Variants in HSPG2 observed in about 807,000 individuals in gnomAD.
The protein encoded by HSPG2 is basement membrane-specific heparan sulfate proteoglycan core protein.
In HSPG2, 278 loss-of-function variants were observed where a neutral mutation model predicts 526.6. That is an observed-to-expected ratio of 0.53 (90% CI 0.48 to 0.58). The LOEUF is 0.58. Ranked by LOEUF, HSPG2 falls within the 20% of genes least tolerant of loss-of-function variation. The probability of loss-of-function intolerance (pLI) is 0.00; values close to 1 mark genes in which losing one functional copy is unlikely to be tolerated. For synonymous variants in HSPG2, 2,465 were observed against 2,555.4 expected (o/e 0.96, Z 1.07); for missense variants, 5,354 against 6,099.5 (o/e 0.88, Z 4.07).
chr1:21,844,669 T>C (rs1638282288), intron 64 of HSPG2, among the ~76,000 whole-genome samples: 1 of 152,272 alleles, frequency 6.6e-6, no homozygotes, highest in African/African-American at 2.4e-5. Flanking sequence ...ATCCCAGCTC[T>C]GCCATTGATT....
chr1:21,907,256 G>C (rs192390652), intron 1 of HSPG2, among the ~76,000 whole-genome samples: 176 of 152,316 alleles, frequency 1.2e-3, no homozygotes, highest in African/African-American at 3.9e-3. Context: ...GCAGAGACCG[G>C]GGCAGGGGCT....
chr1:21,884,471 GGGTACAGA>G, intron 13 of HSPG2, 49 bp downstream of exon 13: 3 of 1,606,800 alleles, frequency 1.9e-6, no homozygotes, highest in Non-Finnish European at 2.5e-6. Context: ...TGTGCCCCCT[GGGTACAGA>G]GGTACCCACC....
Position 21,823,253 on chromosome 1 carries a change from T to C in HSPG2, c.*63A>G. On this transcript the variant is annotated 3_prime_UTR_variant, in exon 97 of 97. Transcript: ENST00000374695. ...CAAAAATTCATAATAATATTAATAATAATATACTCGACATTGTCGGGCTGG... is the reference window on the plus strand; with the variant it reads ...CAAAAATTCATAATAATATTAATAACAATATACTCGACATTGTCGGGCTGG... 2.2e-6 allele frequency: 3 copies of C among 1,335,356 alleles called. No individual in the cohort carries two copies. Among genetic ancestry groups the C allele is most frequent in the Non-Finnish European group, 3.0e-6 (3 of 1,005,332 alleles). The allele number at this position is 1,335,356 out of a possible 1,614,324, so 82.7% of individuals were successfully genotyped here.
intron 25 of HSPG2, 194 bp from the exon 26 acceptor site, chr1:21,875,196 C>T (rs1640954566): frequency 3.1e-6 from 2 of 640,796 alleles, no homozygotes; most frequent in African/African-American, 3.6e-5. Context: ...CAAACCATCA[C>T]CCTTCCTCAC....
At chr1:21,930,783 A>T (rs1253028710) in intron 1 of HSPG2, among the ~76,000 whole-genome samples, 4 of 152,332 alleles carry the variant, frequency 2.6e-5, no homozygotes, top group Middle Eastern at 6.8e-3. Context: ...CAAAAAAAAA[A>T]AAAAGATCTA....
intron 1 of HSPG2, among the ~76,000 whole-genome samples, chr1:21,921,395 G>A (rs1644034445): frequency 6.6e-6 from 1 of 152,060 alleles, no homozygotes; most frequent in Admixed American, 6.6e-5. Context: ...CAAACCACAG[G>A]GCCTGTTACT....
chr1:21,865,176 G>A lies in HSPG2; in HGVS notation c.4396-103C>T. 3 of 1,513,370 alleles carry A rather than the reference G, an allele frequency of 2.0e-6. No individual in the cohort carries two copies. The highest frequency in any genetic ancestry group is 1.8e-6 in the Non-Finnish European group (2 of 1,089,002). 93.7% of individuals were successfully genotyped at this position (1,513,370 alleles called of 1,614,324 possible). Reference sequence around the variant, plus strand: ...GCCTTACAGGCACTGACTGAGGGCTGCCAGGTGAAGGTTGGGGAGCGAGAG... The same window carrying A: ...GCCTTACAGGCACTGACTGAGGGCTACCAGGTGAAGGTTGGGGAGCGAGAG... On this transcript the variant is annotated intron_variant, in intron 35 of 96. Coordinates refer to ENST00000374695, the MANE Select transcript of HSPG2 (RefSeq NM_005529.7). This position sits in a 1 kb window ranked among gnomAD's most constrained non-coding sequence, Gnocchi z 5.4.
intron 70 of HSPG2, 59 bp downstream of exon 70, chr1:21,841,480 T>A: frequency 6.2e-7 from 1 of 1,609,050 alleles, no homozygotes; most frequent in Non-Finnish European, 8.5e-7. Context: ...TTGGAGGCTC[T>A]GAGCTGAGAA....
At chr1:21,897,758 G>C (rs534072319) in intron 1 of HSPG2, among the ~76,000 whole-genome samples, 1 of 152,290 alleles carries the variant, frequency 6.6e-6, no homozygotes, top group African/African-American at 2.4e-5. Context: ...GGGCAGGCTG[G>C]GGGTGACTGG....
chr1:21,859,529 A>G lies in HSPG2; in HGVS notation c.5293+37T>C. 1 of 1,473,450 alleles carries G rather than the reference A, an allele frequency of 6.8e-7. No homozygotes were observed. Among genetic ancestry groups the G allele is most frequent in the South Asian group, 1.2e-5 (1 of 82,666 alleles). The allele number at this position is 1,473,450 out of a possible 1,614,324, so 91.3% of individuals were successfully genotyped here. A position where few individuals can be genotyped will look rare whatever the true frequency, so the allele number is the denominator to read the frequency against. ...TCTGCAGCCTGCAGCCCAGCCCAGGACAGGCAGTCTTGGTTACAGGGGGCG... is the reference window on the plus strand; with the variant it reads ...TCTGCAGCCTGCAGCCCAGCCCAGGGCAGGCAGTCTTGGTTACAGGGGGCG... On this transcript the variant is annotated intron_variant, in intron 42 of 96. Transcript: ENST00000374695. The surrounding 1 kb of genome is among the most constrained non-coding windows in gnomAD (Gnocchi z 5.3).
intron 1 of HSPG2, among the ~76,000 whole-genome samples, chr1:21,914,200 C>T (rs185094077): frequency 5.8e-4 from 89 of 152,200 alleles, no homozygotes; most frequent in Admixed American, 3.9e-4. Context: ...AAATTAATAC[C>T]CCAAATATAC....
At chr1:21,832,691 G>A (rs563186214) in intron 80 of HSPG2, 85 bp from the exon 81 acceptor site, 1 of 999,258 alleles carries the variant, frequency 1.0e-6, no homozygotes, top group African/African-American at 1.6e-5. Flanking sequence ...CCAAGCTCTT[G>A]AGCCTGTCCA....
chr1:21,853,192 G>T, intron 50 of HSPG2, 122 bp from the exon 51 acceptor site: 1 of 1,328,300 alleles, frequency 7.5e-7, no homozygotes, highest in Non-Finnish European at 1.0e-6. Flanking sequence ...GCCTTTCTGG[G>T]ACTAGGGCCA....
chr1:21,881,565 A>AG, intron 13 of HSPG2, 63 bp from the exon 14 acceptor site: 5 of 1,390,200 alleles, frequency 3.6e-6, no homozygotes, highest in Non-Finnish European at 5.0e-6. Flanking sequence ...ACCCATCTTG[A>AG]GGGGCAGCAA....
chr1:21,855,310 T>G lies in HSPG2; in HGVS notation c.5991A>C (p.Pro1997=), dbSNP rs772095459. ...ITWRKEGGSL[P]PQARSERTDI... ...GGTGGGCCCATCTCCTCACCTGTGG[T>G]GGGAGGCTGCCCCCTTCCTTCCTCC... Residue 1997 remains proline (P), a synonymous_variant, in exon 47 of 97, where the codon CCA becomes CCC. Coordinates refer to ENST00000374695, the MANE Select transcript of HSPG2 (RefSeq NM_005529.7). 1 of 1,603,766 alleles carries G rather than the reference T, an allele frequency of 6.2e-7. No individual in the cohort carries two copies. Among genetic ancestry groups the G allele is most frequent in the Non-Finnish European group, 8.5e-7 (1 of 1,176,226 alleles).
In HSPG2 at chr1:21,839,981, C is replaced by T; in HGVS notation, c.9550G>A (p.Val3184Met). ...CCTAGTGCATTCTGAGCAAGGCACACATAAGTGCCCGCATCTGATGGTTTA... is the reference window on the plus strand; with the variant it reads ...CCTAGTGCATTCTGAGCAAGGCACATATAAGTGCCCGCATCTGATGGTTTA... ...SAKPSDAGTY[V>M]CLAQNALGTA... Residue 3184 changes from valine to methionine, a missense_variant, in exon 72 of 97, where the codon GTG becomes ATG. Coordinates refer to ENST00000374695, the MANE Select transcript of HSPG2 (RefSeq NM_005529.7). This position sits in a 1 kb window ranked among gnomAD's most constrained non-coding sequence, Gnocchi z 4.5. 6.2e-7 allele frequency: 1 copy of T among 1,614,222 alleles called. No homozygotes were observed. Among genetic ancestry groups the T allele is most frequent in the Non-Finnish European group, 8.5e-7 (1 of 1,180,032 alleles).
At chr1:21,929,117 A>G (rs1193605567) in intron 1 of HSPG2, among the ~76,000 whole-genome samples, 1 of 152,202 alleles carries the variant, frequency 6.6e-6, no homozygotes, top group Non-Finnish European at 1.5e-5. Context: ...GCAAACAGCA[A>G]TGAACAAAGC....
chr1:21,847,868 A>G lies in HSPG2; in HGVS notation c.7874-28T>C. ...GGGGACAGACGGGTGTGGACCACGC[A>G]GCCAGAGTGAGATAACAGTGATGGC... On this transcript the variant is annotated intron_variant, in intron 60 of 96. Transcript: ENST00000374695. This position sits in a 1 kb window ranked among gnomAD's most constrained non-coding sequence, Gnocchi z 4.1. The G allele has an allele frequency of 6.2e-7, 1 of 1,613,828 alleles. No individual in the cohort carries two copies.
At position 21,890,006 on chromosome 1, in the gene HSPG2, T is replaced by A; in HGVS notation, c.549A>T (p.Gly183=). 1.2e-6 allele frequency: 2 copies of A among 1,613,918 alleles called. No homozygotes were observed. The highest frequency in any genetic ancestry group is 1.7e-6 in the Non-Finnish European group (2 of 1,179,930). The change falls in exon 6 of 97, where the codon GGA becomes GGT. Residue 183 remains glycine, a synonymous_variant. Coordinates refer to ENST00000374695, the MANE Select transcript of HSPG2 (RefSeq NM_005529.7). The surrounding 1 kb of genome is among the most constrained non-coding windows in gnomAD (Gnocchi z 4.1). ...SVASYVTSPQ[G]FQFRRLGTVP... ...CTGTGCCCAGGCGTCGGAACTGGAA[T>A]CCCTGGGGAGAGGTGACGTAGGAGG...
Sources: allele counts gnomAD v4.1 joint callset (sites outside exome capture counted in the v4.1 genomes callset), GRCh38; gene constraint gnomAD v4.1.1; non-coding constraint Gnocchi (gnomAD v3.1); transcripts MANE v1.5; gene names NCBI Gene and HGNC (gene_info 2026-07-23, HGNC 2026-07-21).